CNTN4: variants seen among roughly 807,000 people sequenced by gnomAD.
CNTN4 encodes contactin-4.
In CNTN4, 77 loss-of-function variants were observed where a neutral mutation model predicts 122.5. The observed-to-expected ratio is 0.63, with a 90% CI of 0.52 to 0.76. CNTN4 has a LOEUF of 0.76. Among genes scored for constraint, CNTN4 ranks in the 30% least tolerant of loss-of-function variants. The probability of loss-of-function intolerance (pLI) is 0.00; values close to 1 mark genes in which losing one functional copy is unlikely to be tolerated. For missense variants in CNTN4, 1,256 were observed against 1,259.1 expected (o/e 1.00, Z 0.04); for synonymous variants, 512 against 447.0 (o/e 1.15, Z -1.83).
At chr3:3,040,508 C>G (rs1400570887) in intron 20 of CNTN4, 4 of 551,502 alleles carry the variant, frequency 7.3e-6, no homozygotes, top group Non-Finnish European at 1.3e-5. Flanking sequence ...TTGCTAAGGA[C>G]CAGAATTGCA....
chr3:2,166,628 T>C (rs1403143188), intron 2 of CNTN4, among the ~76,000 whole-genome samples: 2 of 152,152 alleles, frequency 1.3e-5, no homozygotes, highest in African/African-American at 4.8e-5. Context: ...ATCATTTTTG[T>C]CTGAAAGTAA....
chr3:2,209,843 G>A (rs2038529747), intron 2 of CNTN4, among the ~76,000 whole-genome samples: 2 of 152,000 alleles, frequency 1.3e-5, no homozygotes, highest in African/African-American at 4.8e-5. Flanking sequence ...TCTAAATAAA[G>A]CTATTCTGTC....
intron 23 of CNTN4, among the ~76,000 whole-genome samples, chr3:3,047,580 G>A (rs7373852): frequency 0.23 from 31,664 of 138,464 alleles, 3,557 homozygotes; most frequent in Middle Eastern, 0.33. Context: ...TGAAACCAAC[G>A]AGAACAAAGA....
chr3:3,018,969 C>T (rs918581025), intron 14 of CNTN4, among the ~76,000 whole-genome samples: 3 of 152,046 alleles, frequency 2.0e-5, no homozygotes. Flanking sequence ...CTCCCAGTGG[C>T]CAAAATGGGG....
chr3:2,355,686 C>T (rs151036755), intron 3 of CNTN4, among the ~76,000 whole-genome samples: 2 of 152,234 alleles, frequency 1.3e-5, no homozygotes, highest in African/African-American at 4.8e-5. Flanking sequence ...CGATACTGGC[C>T]ATCCTAGCTC....
rs139820441 is a variant in CNTN4, at chr3:2,351,740, A to T, written c.-89+12507A>T. ...CTCCAGAAAGCAAACCATAGATAAG[A>T]GGGGACTACTGTTTATGAAATCTAA... On this transcript the variant is annotated intron_variant, in intron 3 of 24. Transcript: ENST00000418658. Among the ~76,000 whole-genome samples, 65 of 151,948 alleles carry T rather than the reference A, an allele frequency of 4.3e-4. No homozygotes were observed. The East Asian group carries it at 0.012, about 29-fold the overall frequency.
At chr3:2,109,396 C>T (rs79966690) in intron 2 of CNTN4, among the ~76,000 whole-genome samples, 2,837 of 152,170 alleles carry the variant, frequency 0.019, 36 homozygotes, top group Middle Eastern at 0.037. Context: ...TTAAAAAAAT[C>T]ATATGATTTG....
Position 2,412,827 on chromosome 3 carries a change from A to C in CNTN4, c.-89+73594A>C, listed in dbSNP as rs2047275110. ...CAGATTGCCTGAATTTGAATTACAG[A>C]TATTCTACTTGATATTGTGTGAGTT... On this transcript the variant is annotated intron_variant, in intron 3 of 24. Coordinates refer to ENST00000418658, the MANE Select transcript of CNTN4 (RefSeq NM_175607.3). Among the ~76,000 whole-genome samples, 3 of 152,172 alleles carry C rather than the reference A, an allele frequency of 2.0e-5. No individual in the cohort carries two copies. In the South Asian group the frequency reaches 6.2e-4, roughly 32 times the overall value.
intron 2 of CNTN4, among the ~76,000 whole-genome samples, chr3:2,258,882 G>C (rs929540659): frequency 6.6e-6 from 1 of 152,072 alleles, no homozygotes; most frequent in African/African-American, 2.4e-5. Flanking sequence ...TTGTCCACCA[G>C]TGTTTCTCAG....
At chr3:2,394,512 C>A (rs1191305382) in intron 3 of CNTN4, among the ~76,000 whole-genome samples, 1 of 152,062 alleles carries the variant, frequency 6.6e-6, no homozygotes, top group Non-Finnish European at 1.5e-5. Flanking sequence ...AAGATTGAAA[C>A]CATATGGAAT....
chr3:2,796,200 A>G (rs946473441), intron 6 of CNTN4, among the ~76,000 whole-genome samples: 6 of 152,182 alleles, frequency 3.9e-5, no homozygotes, highest in Admixed American at 2.6e-4. Flanking sequence ...GCTACACTAT[A>G]ACTTATACCA....
intron 12 of CNTN4, among the ~76,000 whole-genome samples, chr3:2,911,595 CAG>C (rs1398513492): frequency 3.9e-5 from 6 of 152,012 alleles, no homozygotes; most frequent in Admixed American, 3.3e-4. Flanking sequence ...CCTAAAGAAA[CAG>C]AGGTATATCA....
chr3:2,738,275 G>A (rs1175103520), intron 5 of CNTN4, among the ~76,000 whole-genome samples: 2 of 152,096 alleles, frequency 1.3e-5, no homozygotes, highest in African/African-American at 2.4e-5. Context: ...GACATTCAAA[G>A]AGATCACAAA....
intron 2 of CNTN4, among the ~76,000 whole-genome samples, chr3:2,263,042 G>A (rs2040900347): frequency 6.6e-6 from 1 of 152,106 alleles, no homozygotes; most frequent in Non-Finnish European, 1.5e-5. Context: ...CTATGGATCG[G>A]TGCTTAGTCA....
chr3:2,250,346 G>A (rs146831974), intron 2 of CNTN4, among the ~76,000 whole-genome samples: 11 of 151,924 alleles, frequency 7.2e-5, no homozygotes, highest in Admixed American at 1.3e-4. Context: ...TTTCTCCTAC[G>A]AAGAGCAGAT....
At chr3:2,548,856 C>T (rs748116125) in intron 3 of CNTN4, among the ~76,000 whole-genome samples, 1 of 152,128 alleles carries the variant, frequency 6.6e-6, no homozygotes, top group Non-Finnish European at 1.5e-5. Context: ...TTTCTTTGAG[C>T]AGCGGTTTGT....
chr3:2,423,714 A>T (rs2047699437), intron 3 of CNTN4, among the ~76,000 whole-genome samples: 1 of 152,062 alleles, frequency 6.6e-6, no homozygotes, highest in Non-Finnish European at 1.5e-5. Context: ...GTTTTGTAGC[A>T]TCATCTGTTC....
At chr3:2,954,322 T>C (rs936497157) in intron 13 of CNTN4, among the ~76,000 whole-genome samples, 39 of 152,178 alleles carry the variant, frequency 2.6e-4, no homozygotes, top group African/African-American at 8.7e-4. Flanking sequence ...AAGCTGTTTA[T>C]GAAAGTTGTC....
At chr3:2,875,699 T>C (rs764167424) in intron 8 of CNTN4, among the ~76,000 whole-genome samples, 30 of 152,214 alleles carry the variant, frequency 2.0e-4, no homozygotes, top group Non-Finnish European at 4.0e-4. Context: ...TCATTAAATA[T>C]CTGAAGACTG....
Sources: gnomAD v4.1 joint callset for allele counts (sites outside exome capture counted in the v4.1 genomes callset) on GRCh38, gnomAD v4.1.1 for gene constraint, MANE v1.5 for transcripts, NCBI Gene and HGNC (gene_info 2026-07-23, HGNC 2026-07-21) for gene names.